The following TG variants were observed in gnomAD, a reference collection of about 807,000 sequenced individuals.
TG encodes the protein thyroid hormones.
In TG, 270 loss-of-function variants were observed where a neutral mutation model predicts 324.7. The ratio of observed to expected loss-of-function variants is 0.83; its 90% CI spans 0.75 to 0.92. TG has a LOEUF of 0.92. Ranked by LOEUF, TG falls within the 40% of genes least tolerant of loss-of-function variation. TG has a pLI of 0.00. For synonymous variants in TG, 1,401 were observed against 1,327.0 expected (o/e 1.06, Z -1.21); for missense variants, 3,591 against 3,456.4 (o/e 1.04, Z -0.98).
chr8:132,900,016 A>C lies in TG; in HGVS notation c.3331-221A>C, dbSNP rs949755364. 1.3e-5 allele frequency among the ~76,000 whole-genome samples: 2 copies of C among 152,234 alleles called. 1 individual carries two copies. The highest frequency in any genetic ancestry group is 4.8e-5 in the African/African-American group (2 of 41,530). ...AGTTTCACCCACCCAAAAGCGGGAG[A>C]ACTGTGGTCCATGCCTCATGAGGCT... On this transcript the variant is annotated intron_variant, in intron 14 of 47. Coordinates refer to ENST00000220616, the MANE Select transcript of TG (RefSeq NM_003235.5).
At chr8:133,130,980 G>A (rs777408039) in intron 45 of TG, among the ~76,000 whole-genome samples, 9 of 152,314 alleles carry the variant, frequency 5.9e-5, no homozygotes, top group Admixed American at 3.3e-4. Flanking sequence ...TGTCGCCACC[G>A]CAGAGGGAGT....
At chr8:133,049,668 C>G (rs1402346491) in intron 41 of TG, 1 of 521,104 alleles carries the variant, frequency 1.9e-6, no homozygotes, top group African/African-American at 1.9e-5. Context: ...CATGTTAGAG[C>G]TGAAAGGTCC....
chr8:133,093,078 A>T (rs1184942724), intron 41 of TG, among the ~76,000 whole-genome samples: 3 of 151,526 alleles, frequency 2.0e-5, no homozygotes, highest in Middle Eastern at 3.2e-3. Flanking sequence ...TATTCAGAAC[A>T]CGGAGTTTTG....
At chr8:133,012,642 A>G (rs1035535991) in intron 36 of TG, among the ~76,000 whole-genome samples, 1 of 152,236 alleles carries the variant, frequency 6.6e-6, no homozygotes, top group African/African-American at 2.4e-5. Context: ...CCTTGCCAAG[A>G]TTCTAACCCC....
Position 133,057,923 on chromosome 8 carries a change from G to A in TG, c.7239+27900G>A, listed in dbSNP as rs190473212. ...TGGCCTCTGGGTGATCCTTGTGCAC[G>A]GCCAGGGTCTGTGGAGGGTCTGTGG... is the stretch of plus-strand genomic sequence containing the variant. On this transcript the variant is annotated intron_variant, in intron 41 of 47. Coordinates refer to ENST00000220616, the MANE Select transcript of TG (RefSeq NM_003235.5). 5.3e-5 allele frequency among the ~76,000 whole-genome samples: 8 copies of A among 152,246 alleles called. No homozygotes were observed. The East Asian group carries it at 7.7e-4, about 15-fold the overall frequency.
rs1363254608 is a variant in TG, at chr8:132,963,043, A to C, written c.5517A>C (p.Thr1839=). 3 of 1,614,054 alleles carry C rather than the reference A, an allele frequency of 1.9e-6. No individual in the cohort carries two copies. The change falls in exon 29 of 48, where the codon ACA becomes ACC. Residue 1839 remains threonine (T), a synonymous_variant. Transcript: ENST00000220616. ...RPESMGCRKD[T]VPRPASPTEA... ...AGTCTATGGGATGTAGAAAAGACAC[A>C]GTGCCAAGGCCAGCATCTCCAACAG...
intron 4 of TG, 54 bp from the exon 5 acceptor site, chr8:132,873,008 C>A: frequency 1.3e-6 from 2 of 1,598,396 alleles, no homozygotes; most frequent in East Asian, 2.2e-5. Flanking sequence ...TGCTCGACTG[C>A]AGAAATATGT....
Position 133,017,973 on chromosome 8 carries a change from G to T in TG, c.6758G>T (p.Gly2253Val). 6.2e-7 allele frequency: 1 copy of T among 1,614,198 alleles called. No homozygotes were observed. Among genetic ancestry groups the T allele is most frequent in the South Asian group, 1.1e-5 (1 of 91,086 alleles). Reference protein sequence around the residue: ...FQAPEPLNWTGSWDASKPRAS... With the variant: ...FQAPEPLNWTVSWDASKPRAS... ...GCACCAGAGCCCTTGAACTGGACAG[G>T]CTCCTGGGATGCCAGCAAGCCAAGG... Residue 2253 changes from glycine (G) to valine (V), a missense_variant, in exon 38 of 48, where the codon GGC becomes GTC. Physicochemically the swap from Gly to Val is moderately radical, Grantham distance 109 (BLOSUM62 -3). Coordinates refer to ENST00000220616, the MANE Select transcript of TG (RefSeq NM_003235.5).
At chr8:132,984,380 A>G (rs575738344) in intron 35 of TG, among the ~76,000 whole-genome samples, 1 of 152,236 alleles carries the variant, frequency 6.6e-6, no homozygotes, top group African/African-American at 2.4e-5. Context: ...AACACATTAT[A>G]TATAAAGTTG....
At chr8:132,875,640 A>C (rs1191878978) in intron 5 of TG, among the ~76,000 whole-genome samples, 1 of 152,276 alleles carries the variant, frequency 6.6e-6, no homozygotes, top group Non-Finnish European at 1.5e-5. Flanking sequence ...GGCACAATTC[A>C]CAGCTATTTC....
Position 133,058,648 on chromosome 8 carries a change from G to T in TG, c.7239+28625G>T, listed in dbSNP as rs150111963. ...GAGGAGGAGGCTGTGGCCAAAGCCAGTTTGGAGAGGGTGAGAAAGAGCCCG... is the reference window on the plus strand; with the variant it reads ...GAGGAGGAGGCTGTGGCCAAAGCCATTTTGGAGAGGGTGAGAAAGAGCCCG... On this transcript the variant is annotated intron_variant, in intron 41 of 47. Transcript: ENST00000220616. 1.9e-3 allele frequency among the ~76,000 whole-genome samples: 285 copies of T among 152,294 alleles called. 3 individuals are homozygous for T. Among genetic ancestry groups the T allele is most frequent in the African/African-American group, 6.5e-3 (270 of 41,562 alleles).
chr8:133,016,624 C>A (rs1835050966), intron 37 of TG, among the ~76,000 whole-genome samples: 1 of 152,186 alleles, frequency 6.6e-6, no homozygotes, highest in Admixed American at 6.5e-5. Flanking sequence ...TGTCAATCAG[C>A]CGAGAGTGGA....
At chr8:133,100,639 A>G (rs1849094277) in intron 43 of TG, among the ~76,000 whole-genome samples, 1 of 152,178 alleles carries the variant, frequency 6.6e-6, no homozygotes, top group Non-Finnish European at 1.5e-5. Context: ...ACCCAGTTCT[A>G]TCTGCCTCCA....
intron 20 of TG, among the ~76,000 whole-genome samples, chr8:132,914,578 T>A (rs1380672064): frequency 6.6e-6 from 1 of 152,196 alleles, no homozygotes; most frequent in East Asian, 1.9e-4. Flanking sequence ...TAGCCCCTGG[T>A]GGCAGATCCT....
At chr8:133,130,987 G>A (rs1216965924) in intron 45 of TG, among the ~76,000 whole-genome samples, 1 of 152,220 alleles carries the variant, frequency 6.6e-6, no homozygotes, top group East Asian at 1.9e-4. Context: ...ACCGCAGAGG[G>A]AGTGTGGTGA....
intron 23 of TG, among the ~76,000 whole-genome samples, chr8:132,930,293 A>T (rs1345941932): frequency 6.6e-6 from 1 of 152,216 alleles, no homozygotes; most frequent in Non-Finnish European, 1.5e-5. Context: ...CAGCATGAGG[A>T]TGGCAGACTT....
rs746378799 is a variant in TG, at chr8:132,966,510, A to G, written c.5549-50A>G. 2.5e-6 allele frequency: 4 copies of G among 1,610,822 alleles called. No individual in the cohort carries two copies. In the Admixed American group the frequency reaches 6.7e-5, roughly 27 times the overall value. On this transcript the variant is annotated intron_variant, in intron 29 of 47. Transcript: ENST00000220616. ...TGTTTCTTTCTTGTGTTTTTCTCAT[A>G]TTCACTAGAGTTAAAGGTGCAGGAA...
In TG at chr8:133,131,829, A is replaced by T; in HGVS notation, c.7880A>T (p.Asp2627Val). ...TTTCTCAGCCTGGAGCTGCTGGCGG[A>T]TGTTCAGTTTGCCTTGGGGCTTCCC... ...YGHGSLELLA[D>V]VQFALGLPFY... The change falls in exon 46 of 48, where the codon GAT (aspartate) becomes GTT (valine). Residue 2627 changes from aspartate (D) to valine (V), a missense_variant. Transcript: ENST00000220616. 2 of 1,614,092 alleles carry T rather than the reference A, an allele frequency of 1.2e-6. No individual in the cohort carries two copies. Among genetic ancestry groups the T allele is most frequent in the Non-Finnish European group, 1.7e-6 (2 of 1,180,010 alleles).
At chr8:132,943,232 G>A (rs1824711532) in intron 26 of TG, among the ~76,000 whole-genome samples, 1 of 152,096 alleles carries the variant, frequency 6.6e-6, no homozygotes, top group African/African-American at 2.4e-5. Flanking sequence ...GGGGTGAATG[G>A]CTTGGTGCTA....
Sources: gnomAD v4.1 joint callset for allele counts (sites outside exome capture counted in the v4.1 genomes callset) on GRCh38, gnomAD v4.1.1 for gene constraint, MANE v1.5 for transcripts, NCBI Gene and HGNC (gene_info 2026-07-23, HGNC 2026-07-21) for gene names.